The following ANXA10 variants were observed in gnomAD, a reference collection of about 807,000 sequenced individuals.
ANXA10 encodes the protein annexin A10, also known as annexin 14.
ANXA10 carries 49 observed loss-of-function variants against 53.5 expected under a neutral mutation model. The ratio of observed to expected loss-of-function variants is 0.92; its 90% CI spans 0.73 to 1.16. The LOEUF is 1.16. Ranked by LOEUF, ANXA10 falls within the 50% of genes most tolerant of loss-of-function variation. The pLI is 0.00. For synonymous variants in ANXA10, 131 were observed against 128.9 expected, an observed-to-expected ratio of 1.02 and a Z score of -0.11; for missense variants, 393 against 394.4, an observed-to-expected ratio of 1.00 and a Z score of 0.03.
intron 3 of ANXA10, among the ~76,000 whole-genome samples, chr4:168,153,617 T>G (rs1321904054): frequency 6.6e-6 from 1 of 152,112 alleles, no homozygotes. Flanking sequence ...TCATGTTTTA[T>G]TTGCAACAAG....
intron 3 of ANXA10, among the ~76,000 whole-genome samples, chr4:168,154,530 A>G (rs1348710534): frequency 6.6e-6 from 1 of 152,204 alleles, no homozygotes. Context: ...TAGGGATAGA[A>G]GAAGGCCCAT....
At chr4:168,179,395 T>A in intron 9 of ANXA10, 83 bp downstream of exon 9, 2 of 933,260 alleles carry the variant, frequency 2.1e-6, no homozygotes, top group Middle Eastern at 2.3e-4. Flanking sequence ...TAAAGATGCA[T>A]GAGTAAGCTC....
intron 6 of ANXA10, among the ~76,000 whole-genome samples, chr4:168,170,391 G>A (rs1731961206): frequency 6.6e-6 from 1 of 152,024 alleles, no homozygotes; most frequent in African/African-American, 2.4e-5. Flanking sequence ...TTATTTCCTA[G>A]TTTTATCTTA....
At chr4:168,156,133 T>A (rs373769413) in intron 3 of ANXA10, among the ~76,000 whole-genome samples, 2 of 50,878 alleles carry the variant, frequency 3.9e-5, no homozygotes, top group Non-Finnish European at 6.4e-5. Context: ...TTTATATATA[T>A]TATATATAAA....
chr4:168,106,375 C>T (rs1730720268), intron 1 of ANXA10, among the ~76,000 whole-genome samples: 1 of 151,994 alleles, frequency 6.6e-6, no homozygotes, highest in Admixed American at 6.6e-5. Context: ...AATTTTACAA[C>T]TCAATTAAGC....
chr4:168,156,481 C>A (rs1428332707), intron 3 of ANXA10, among the ~76,000 whole-genome samples: 1 of 131,988 alleles, frequency 7.6e-6, no homozygotes, highest in Non-Finnish European at 1.6e-5. Flanking sequence ...TTTTTAAGTG[C>A]ATATTTCTTG....
chr4:168,162,673 C>T, intron 4 of ANXA10, 32 bp downstream of exon 4: 1 of 1,539,914 alleles, frequency 6.5e-7, no homozygotes, highest in East Asian at 2.2e-5. Flanking sequence ...ATGCCTGTAA[C>T]AAGTACAGGC....
At chr4:168,119,019 T>A (rs1307723815) in intron 1 of ANXA10, among the ~76,000 whole-genome samples, 1 of 152,160 alleles carries the variant, frequency 6.6e-6, no homozygotes, top group Non-Finnish European at 1.5e-5. Flanking sequence ...ATATTTCATA[T>A]CTATGCTTGT....
At chr4:168,113,259 G>A (rs529379512) in intron 1 of ANXA10, 1 of 152,898 alleles carries the variant, frequency 6.5e-6, no homozygotes, top group East Asian at 1.9e-4. Flanking sequence ...CCAAGATCAA[G>A]GTGCTCTCAC....
intron 1 of ANXA10, among the ~76,000 whole-genome samples, chr4:168,122,425 C>A (rs1277261234): frequency 6.6e-6 from 1 of 152,192 alleles, no homozygotes; most frequent in Non-Finnish European, 1.5e-5. Context: ...TACTATAGAA[C>A]TAAATTCCAC....
chr4:168,149,165 C>G (rs528089153), intron 3 of ANXA10, among the ~76,000 whole-genome samples: 1 of 152,206 alleles, frequency 6.6e-6, no homozygotes, highest in East Asian at 1.9e-4. Flanking sequence ...GTCTAAATAG[C>G]TGAGGATTCA....
Position 168,165,253 on chromosome 4 carries a change from G to C in ANXA10, c.407G>C (p.Ser136Thr). ...AACATGTTTTCTTATACAGAATACA[G>C]CAATAACCTCCAAGAGGACATTTAT... ...QMREAYCLQYSNNLQEDIYSE... is the reference protein window; with the variant it reads ...QMREAYCLQYTNNLQEDIYSE... Residue 136 changes from serine (S) to threonine (T), a missense_variant, in exon 6 of 12, where the codon AGC (serine) becomes ACC (threonine). By Grantham distance (58) the Ser-to-Thr change is moderately conservative. Transcript: ENST00000359299. 6.4e-7 allele frequency: 1 copy of C among 1,572,284 alleles called. No individual in the cohort carries two copies. Among genetic ancestry groups the C allele is most frequent in the Non-Finnish European group, 8.7e-7 (1 of 1,148,222 alleles).
At chr4:168,145,760 G>T (rs1014569572) in intron 3 of ANXA10, among the ~76,000 whole-genome samples, 1 of 152,044 alleles carries the variant, frequency 6.6e-6, no homozygotes, top group African/African-American at 2.4e-5. Flanking sequence ...TCCAGGAACC[G>T]CTGAATTCAG....
At position 168,173,167 on chromosome 4, in the gene ANXA10, AG is replaced by A. The variant is rs1467818916; in HGVS notation, c.481-4572del. On this transcript the variant is annotated intron_variant, in intron 6 of 11. Coordinates refer to ENST00000359299, the MANE Select transcript of ANXA10 (RefSeq NM_007193.5). ...GAGCAAAAATATGGATAAAAGAATG[AG>A]TTAACAAATAAATCAATGTGATAGG... Among the ~76,000 whole-genome samples the A allele has an allele frequency of 7.2e-5, 11 of 152,314 alleles. No homozygotes were observed. The East Asian group carries it at 1.9e-3, about 27-fold the overall frequency.
At chr4:168,173,858 G>T (rs186017277) in intron 6 of ANXA10, among the ~76,000 whole-genome samples, 28 of 152,026 alleles carry the variant, frequency 1.8e-4, no homozygotes, top group Admixed American at 5.2e-4. Flanking sequence ...ACACTGTTGC[G>T]CCCATCTTTG....
chr4:168,109,630 T>C (rs921929007), intron 1 of ANXA10, among the ~76,000 whole-genome samples: 1 of 152,336 alleles, frequency 6.6e-6, no homozygotes, highest in East Asian at 1.9e-4. Context: ...GAATCTGTCA[T>C]TGAGTGGTTT....
chr4:168,125,954 G>A (rs1440653358), intron 1 of ANXA10, among the ~76,000 whole-genome samples: 1 of 152,054 alleles, frequency 6.6e-6, no homozygotes, highest in Non-Finnish European at 1.5e-5. Flanking sequence ...AGAAATGACA[G>A]TTATTACAAT....
chr4:168,096,284 G>A (rs1730538587), intron 1 of ANXA10, among the ~76,000 whole-genome samples: 1 of 152,094 alleles, frequency 6.6e-6, no homozygotes, highest in South Asian at 2.1e-4. Context: ...ATGACTTACT[G>A]AGCAAATATT....
At chr4:168,124,383 C>A (rs1012523714) in intron 1 of ANXA10, among the ~76,000 whole-genome samples, 1 of 151,778 alleles carries the variant, frequency 6.6e-6, no homozygotes, top group Non-Finnish European at 1.5e-5. Context: ...CTGTGAGTCA[C>A]GGTGTAGGAA....
Sources: allele counts gnomAD v4.1 joint callset (sites outside exome capture counted in the v4.1 genomes callset), GRCh38; gene constraint gnomAD v4.1.1; transcripts MANE v1.5; gene names NCBI Gene and HGNC (gene_info 2026-07-23, HGNC 2026-07-21).